LAMA5: variants seen among roughly 807,000 people sequenced by gnomAD.
LAMA5 encodes laminin subunit alpha 5.
Under a neutral mutation model 433.4 loss-of-function variants are expected in LAMA5, and 260 were observed. That is an observed-to-expected ratio of 0.60 (90% CI 0.54 to 0.66). LAMA5 has a LOEUF of 0.66. LAMA5 is among the 30% of genes least tolerant of loss of function. The pLI, the probability that LAMA5 is intolerant of heterozygous loss-of-function variation, is 0.00. For missense variants in LAMA5, 5,378 were observed against 5,258.5 expected (o/e 1.02, Z -0.70); for synonymous variants, 2,620 against 2,226.6 (o/e 1.18, Z -4.97).
rs750153034 is a variant in LAMA5, at chr20:62,353,246, G to C, written c.456C>G (p.Phe152Leu). The C allele has an allele frequency of 1.3e-6, 2 of 1,593,618 alleles. No homozygotes were observed. Among genetic ancestry groups the C allele is most frequent in the Non-Finnish European group, 1.7e-6 (2 of 1,170,316 alleles). ...VNVTLDLGQV[F>L]HVAYVLIKFA... ...ACTTGATGAGGACGTAGGCCACGTG[G>C]AAGACCTGTGGGCCGAGAGGGCGTC... The change falls in exon 3 of 80, where the codon TTC (phenylalanine) becomes TTG (leucine). Residue 152 changes from phenylalanine (F) to leucine (L), a missense_variant. By Grantham distance (22) the Phe-to-Leu change is conservative (BLOSUM62 0). Coordinates refer to ENST00000252999, the MANE Select transcript of LAMA5 (RefSeq NM_005560.6).
rs909694189 is a variant in LAMA5, at chr20:62,322,274, C to A, written c.6341G>T (p.Cys2114Phe). ...PGYWGLPEQG[C>F]RRCQCPGGRC... ...TGTGACCGGCCAGCACTCACGCCTG[C>A]AGCCCTGCTCAGGGAGCCCCCAGTA... is the stretch of plus-strand genomic sequence containing the variant. Residue 2114 changes from cysteine (C) to phenylalanine (F), a missense_variant, in exon 47 of 80, where the codon TGC becomes TTC. Cys to Phe is a radical substitution (Grantham distance 205). Transcript: ENST00000252999. 1.9e-6 allele frequency: 3 copies of A among 1,595,082 alleles called. No individual in the cohort carries two copies. Among genetic ancestry groups the A allele is most frequent in the Non-Finnish European group, 2.6e-6 (3 of 1,173,920 alleles).
intron 3 of LAMA5, 45 bp from the exon 4 acceptor site, chr20:62,352,405 G>A (rs1984488776): frequency 4.6e-6 from 7 of 1,510,158 alleles, no homozygotes; most frequent in Non-Finnish European, 5.4e-6. Context: ...CACCAGAAAA[G>A]CCTGGGTCCC....
chr20:62,321,893 T>A (rs1319724488), intron 48 of LAMA5, 126 bp downstream of exon 48: 22 of 928,738 alleles, frequency 2.4e-5, no homozygotes, highest in Non-Finnish European at 3.6e-5. Context: ...GGCATGGGTC[T>A]CTCGGGAAAT....
intron 47 of LAMA5, 46 bp from the exon 48 acceptor site, chr20:62,322,214 A>G: frequency 1.3e-6 from 2 of 1,562,422 alleles, no homozygotes; most frequent in South Asian, 1.2e-5. Context: ...GGGACCTTGG[A>G]GCGTACCCCA....
At position 62,310,563 on chromosome 20, in the gene LAMA5, C is replaced by G. The variant is rs758155328; in HGVS notation, c.10456G>C (p.Gly3486Arg). The G allele has an allele frequency of 1.9e-6, 3 of 1,548,212 alleles. No homozygotes were observed. The highest frequency in any genetic ancestry group is 2.6e-6 in the Non-Finnish European group (3 of 1,152,334). The change falls in exon 76 of 80, where the codon GGG becomes CGG. Residue 3486 changes from glycine to arginine, a missense_variant. Coordinates refer to ENST00000252999, the MANE Select transcript of LAMA5 (RefSeq NM_005560.6). ...AGTCTCTTCACACAGCCGCTGAACC[C>G]GACGGTCACCTATAGGAGCAGACCG... ...SHSSKLPVTV[G>R]FSGCVKRLRL...
Position 62,334,285 on chromosome 20 carries a change from C to G in LAMA5, c.2640G>C (p.Glu880Asp). 1 of 1,611,888 alleles carries G rather than the reference C, an allele frequency of 6.2e-7. No homozygotes were observed. The highest frequency in any genetic ancestry group is 1.1e-5 in the South Asian group (1 of 90,834). Residue 880 changes from glutamate to aspartate, a missense_variant, in exon 22 of 80, where the codon GAG becomes GAC. Physicochemically the swap from Glu to Asp is conservative, Grantham distance 45. Coordinates refer to ENST00000252999, the MANE Select transcript of LAMA5 (RefSeq NM_005560.6). ...CGGCGTGACCCTCAGGTGTGGCAGC[C>G]TCCTCCAGCTCCAGGCGCAGGTGGT... is the stretch of plus-strand genomic sequence containing the variant. The part of the protein sequence containing the change: ...DLHHLRLELE[E>D]AATPEGHAVR...
chr20:62,350,524 C>A (rs1984133382), intron 6 of LAMA5, among the ~76,000 whole-genome samples: 1 of 152,218 alleles, frequency 6.6e-6, no homozygotes, highest in Non-Finnish European at 1.5e-5. Flanking sequence ...GCCTCCCCAC[C>A]TCCCCTGTAA....
In LAMA5 at chr20:62,320,820, G is replaced by C. The variant is rs199690960; in HGVS notation, c.6567C>G (p.His2189Gln). ...ERAGALLPAI[H>Q]EQLRGINASS... is the part of the protein sequence containing the mutation. ...TGGCATTGATGCCACGCAGTTGCTC[G>C]TGAATGGCGGGGAGGAGGGCGCCGG... is the stretch of plus-strand genomic sequence containing the variant. The change falls in exon 49 of 80, where the codon CAC becomes CAG. Residue 2189 changes from histidine (H) to glutamine (Q), a missense_variant. Coordinates refer to ENST00000252999, the MANE Select transcript of LAMA5 (RefSeq NM_005560.6). 1 of 1,612,676 alleles carries C rather than the reference G, an allele frequency of 6.2e-7. No homozygotes were observed. Among genetic ancestry groups the C allele is most frequent in the Non-Finnish European group, 8.5e-7 (1 of 1,179,886 alleles).
intron 45 of LAMA5, among the ~76,000 whole-genome samples, chr20:62,323,077 TG>T (rs35712565): frequency 0.33 from 25,613 of 78,432 alleles, 3,032 homozygotes; most frequent in Middle Eastern, 0.4. Context: ...GATCGTGAGG[TG>T]GGGGGGGCGC....
chr20:62,349,185 G>A lies in LAMA5; in HGVS notation c.957-2157C>T, dbSNP rs138651408. Reference sequence around the variant, plus strand: ...ACTCAGGAGGCTGAGGTGGGAGAATGGCATGAACCCGGGAGGCGGAGCTTG... The same window carrying A: ...ACTCAGGAGGCTGAGGTGGGAGAATAGCATGAACCCGGGAGGCGGAGCTTG... On this transcript the variant is annotated intron_variant, in intron 6 of 79. Coordinates refer to ENST00000252999, the MANE Select transcript of LAMA5 (RefSeq NM_005560.6). Among the ~76,000 whole-genome samples the A allele has an allele frequency of 9.2e-3, 1,385 of 149,838 alleles. 14 individuals are homozygous for A. The highest frequency in any genetic ancestry group is 0.038 in the Middle Eastern group (11 of 288).
At chr20:62,339,417 T>C (rs934859034) in intron 11 of LAMA5, among the ~76,000 whole-genome samples, 1 of 151,880 alleles carries the variant, frequency 6.6e-6, no homozygotes, top group African/African-American at 2.4e-5. Context: ...TTTGTATTTT[T>C]AGTAGAGACG....
chr20:62,329,579 G>T (rs1979968077), intron 32 of LAMA5, among the ~76,000 whole-genome samples, 198 bp downstream of exon 32: 1 of 152,008 alleles, frequency 6.6e-6, no homozygotes, highest in Non-Finnish European at 1.5e-5. Flanking sequence ...CCAGCAGGGT[G>T]CAGGGTGCAG....
At position 62,311,735 on chromosome 20, in the gene LAMA5, C is replaced by T; in HGVS notation, c.9685G>A (p.Gly3229Arg). The T allele has an allele frequency of 1.3e-6, 2 of 1,560,596 alleles. No homozygotes were observed. The highest frequency in any genetic ancestry group is 2.4e-5 in the East Asian group (1 of 41,892). The change falls in exon 71 of 80, where the codon GGA becomes AGA. Residue 3229 changes from glycine to arginine, a missense_variant. Transcript: ENST00000252999. ...TGCGGCTGGAGCTCGGGGGGTGGTCCCCGGTGGGGCTTCATCTGCTGGAGC... is the reference window on the plus strand; with the variant it reads ...TGCGGCTGGAGCTCGGGGGGTGGTCTCCGGTGGGGCTTCATCTGCTGGAGC... ...DQLQQMKPHRGPPPELQPQPE... is the reference protein window; with the variant it reads ...DQLQQMKPHRRPPPELQPQPE...
At chr20:62,319,630 C>T in intron 51 of LAMA5, 54 bp downstream of exon 51, 3 of 1,341,854 alleles carry the variant, frequency 2.2e-6, no homozygotes, top group African/African-American at 2.9e-5. Flanking sequence ...CCCACCCCTA[C>T]CCCAGGCAGC....
At position 62,330,829 on chromosome 20, in the gene LAMA5, G is replaced by A. The variant is rs1168474891; in HGVS notation, c.3766C>T (p.Pro1256Ser). The change falls in exon 30 of 80, where the codon CCA (proline) becomes TCA (serine). Residue 1256 changes from proline to serine, a missense_variant. By Grantham distance (74) the Pro-to-Ser change is moderately conservative (BLOSUM62 -1). Transcript: ENST00000252999. ...LPLTHAQDLT[P>S]AMSPAGPRPR... Reference sequence around the variant, plus strand: ...CGGGGTCCAGCTGGGGACATGGCTGGAGTGAGATCCTGCGCGTGGGTCAGC... The same window carrying A: ...CGGGGTCCAGCTGGGGACATGGCTGAAGTGAGATCCTGCGCGTGGGTCAGC... The A allele has an allele frequency of 1.9e-6, 3 of 1,545,842 alleles. No homozygotes were observed. Among genetic ancestry groups the A allele is most frequent in the African/African-American group, 1.4e-5 (1 of 73,232 alleles).
rs1983432358 is a variant in LAMA5, at chr20:62,346,710, T to C, written c.1163A>G (p.Gln388Arg). The C allele has an allele frequency of 1.2e-6, 2 of 1,613,176 alleles. No individual in the cohort carries two copies. Among genetic ancestry groups the C allele is most frequent in the Non-Finnish European group, 8.5e-7 (1 of 1,179,902 alleles). ...GCAGTCGATACAGACACCCCCACCCTGATAGGTGCCATCCAGGCTCTGGCT... is the reference window on the plus strand; with the variant it reads ...GCAGTCGATACAGACACCCCCACCCCGATAGGTGCCATCCAGGCTCTGGCT... ...RASQSLDGTY[Q>R]GGGVCIDCQH... The change falls in exon 8 of 80, where the codon CAG becomes CGG. Residue 388 changes from glutamine to arginine, a missense_variant. Physicochemically the swap from Gln to Arg is conservative, Grantham distance 43. Coordinates refer to ENST00000252999, the MANE Select transcript of LAMA5 (RefSeq NM_005560.6).
intron 57 of LAMA5, 139 bp from the exon 58 acceptor site, chr20:62,316,197 C>T (rs1408874091): frequency 3.1e-6 from 2 of 646,244 alleles, no homozygotes; most frequent in African/African-American, 3.6e-5. Flanking sequence ...GACATGGAGT[C>T]CCTTAGCCTG....
chr20:62,311,240 G>C lies in LAMA5; in HGVS notation c.10010C>G (p.Thr3337Ser). The C allele has an allele frequency of 6.2e-7, 1 of 1,609,834 alleles. No individual in the cohort carries two copies. Among genetic ancestry groups the C allele is most frequent in the Non-Finnish European group, 8.5e-7 (1 of 1,178,868 alleles). The change falls in exon 73 of 80, where the codon ACC becomes AGC. Residue 3337 changes from threonine (T) to serine (S), a missense_variant. Transcript: ENST00000252999. ...ACCCCCAAACTGGTAGGAGTCTCGG[G>C]TGGTCCTGAGGTGTGGGGGCAGCAT... Reference protein sequence around the residue: ...ACMLPPHLRTTRDSYQFGGSL... With the variant: ...ACMLPPHLRTSRDSYQFGGSL...
chr20:62,326,354 G>C lies in LAMA5; in HGVS notation c.5298+323C>G, dbSNP rs546894309. 47 of 266,244 alleles carry C rather than the reference G, an allele frequency of 1.8e-4. No homozygotes were observed. The East Asian group carries it at 2.4e-3, about 14-fold the overall frequency. 16.5% of individuals were successfully genotyped at this position (266,244 alleles called of 1,614,324 possible). On this transcript the variant is annotated intron_variant, in intron 40 of 79. Transcript: ENST00000252999. Reference sequence around the variant, plus strand: ...AAAGAACTCTAAAAGGATGGAAAAAGATTTGCAAGTCAAAGAGAAATGGGC... The same window carrying C: ...AAAGAACTCTAAAAGGATGGAAAAACATTTGCAAGTCAAAGAGAAATGGGC...
Sources: allele counts gnomAD v4.1 joint callset (sites outside exome capture counted in the v4.1 genomes callset), GRCh38; gene constraint gnomAD v4.1.1; transcripts MANE v1.5; gene names NCBI Gene and HGNC (gene_info 2026-07-23, HGNC 2026-07-21).